Variants in TBC1D4 observed in about 807,000 individuals in gnomAD.
TBC1D4 encodes the protein TBC (Tre-2, BUB2, CDC16) domain-containing protein.
A neutral mutation model predicts 142.5 loss-of-function variants in TBC1D4; 121 were observed. The ratio of observed to expected loss-of-function variants is 0.85; its 90% confidence interval spans 0.73 to 0.99. TBC1D4 has a LOEUF of 0.99. TBC1D4 is among the 50% of genes least tolerant of loss of function. TBC1D4 has a pLI of 0.00. For synonymous variants in TBC1D4, 630 were observed against 628.2 expected, an observed-to-expected ratio of 1.00 and a Z score of -0.04; for missense variants, 1,475 against 1,606.6, an observed-to-expected ratio of 0.92 and a Z score of 1.40.
In TBC1D4 at chr13:75,341,945, C is replaced by G. The variant is rs569406346; in HGVS notation, c.1409-358G>C. Among the ~76,000 whole-genome samples the G allele has an allele frequency of 5.9e-4, 90 of 152,320 alleles. 1 individual carries two copies. Among genetic ancestry groups the G allele is most frequent in the South Asian group, 1.2e-3 (6 of 4,822 alleles). On this transcript the variant is annotated intron_variant, in intron 5 of 20. Transcript: ENST00000377636. ...GTACTGCACAGTGGTTTAAAACAGGCCTGGTGACAGTGTGGCCACAGTATG... is the reference window on the plus strand; with the variant it reads ...GTACTGCACAGTGGTTTAAAACAGGGCTGGTGACAGTGTGGCCACAGTATG...
intron 1 of TBC1D4, among the ~76,000 whole-genome samples, chr13:75,444,950 A>G (rs1887212544): frequency 6.6e-6 from 1 of 152,160 alleles, no homozygotes; most frequent in Non-Finnish European, 1.5e-5. Context: ...TATGTACATT[A>G]CATCATTTAC....
intron 17 of TBC1D4, among the ~76,000 whole-genome samples, chr13:75,298,457 G>A (rs548140649): frequency 6.6e-6 from 1 of 152,270 alleles, no homozygotes; most frequent in South Asian, 2.1e-4. Flanking sequence ...CTTCTTCAGA[G>A]CCTGCTAAGA....
intron 1 of TBC1D4, among the ~76,000 whole-genome samples, chr13:75,398,009 G>A (rs1293394301): frequency 2.6e-5 from 4 of 152,244 alleles, no homozygotes; most frequent in Middle Eastern, 3.4e-3. Context: ...AGACCACCAC[G>A]CTGTGAGGAA....
intron 11 of TBC1D4, among the ~76,000 whole-genome samples, chr13:75,321,880 T>G (rs535872088): frequency 6.6e-6 from 1 of 152,300 alleles, no homozygotes; most frequent in African/African-American, 2.4e-5. Context: ...AAAATGCTCA[T>G]TAAAAGAGGA....
At chr13:75,398,212 A>C (rs1884900752) in intron 1 of TBC1D4, among the ~76,000 whole-genome samples, 1 of 152,246 alleles carries the variant, frequency 6.6e-6, no homozygotes, top group Non-Finnish European at 1.5e-5. Context: ...CAGGGTACTA[A>C]GTATATAAAC....
chr13:75,399,356 C>T (rs571735934), intron 1 of TBC1D4, among the ~76,000 whole-genome samples: 1 of 152,150 alleles, frequency 6.6e-6, no homozygotes, highest in East Asian at 1.9e-4. Flanking sequence ...TGCTATGGAC[C>T]AGTACCTGTT....
intron 16 of TBC1D4, among the ~76,000 whole-genome samples, chr13:75,301,608 G>C (rs886609376): frequency 3.3e-5 from 5 of 150,946 alleles, no homozygotes; most frequent in Admixed American, 6.6e-5. Context: ...TCGTGCCACT[G>C]CACTCCAGCC....
At chr13:75,319,986 A>T (rs764895060) in intron 12 of TBC1D4, 28 bp downstream of exon 12, 19 of 1,609,154 alleles carry the variant, frequency 1.2e-5, no homozygotes, top group Non-Finnish European at 1.4e-5. Flanking sequence ...AATTTTTTTT[A>T]AATAAAAATA....
chr13:75,443,066 G>A (rs887757443), intron 1 of TBC1D4, among the ~76,000 whole-genome samples: 8 of 152,156 alleles, frequency 5.3e-5, no homozygotes, highest in African/African-American at 1.4e-4. Context: ...GAAGTTTATC[G>A]TAGCTCCTCT....
intron 1 of TBC1D4, 33 bp downstream of exon 1, chr13:75,481,229 AAGGCCGAG>A: frequency 3.5e-6 from 3 of 849,210 alleles, no homozygotes; most frequent in Admixed American, 2.0e-5. Context: ...CCGATCCCCC[AAGGCCGAG>A]CCCGCCCCCG....
rs774527796 is a variant in TBC1D4 at position 75,362,150 on chromosome 13, A to G, written c.956T>C (p.Val319Ala). The G allele has an allele frequency of 1.2e-6, 2 of 1,613,320 alleles. No homozygotes were observed. Among genetic ancestry groups the G allele is most frequent in the Non-Finnish European group, 1.7e-6 (2 of 1,179,964 alleles). Residue 319 changes from valine to alanine, a missense_variant, in exon 2 of 21, where the codon GTC becomes GCC. Coordinates refer to ENST00000377636, the MANE Select transcript of TBC1D4 (RefSeq NM_014832.5). The surrounding 1 kb of genome is among the most constrained non-coding windows in gnomAD (Gnocchi z 4.2). ...GTGAACTCTCCGTTGCACGCCGGTGACACTGCTGCACCGAGACCGAAACTC... is the reference window on the plus strand; with the variant it reads ...GTGAACTCTCCGTTGCACGCCGGTGGCACTGCTGCACCGAGACCGAAACTC... ...QQEFRSRCSS[V>A]TGVQRRVHEG...
chr13:75,439,255 T>C (rs1034192610), intron 1 of TBC1D4, among the ~76,000 whole-genome samples: 1 of 152,182 alleles, frequency 6.6e-6, no homozygotes, highest in Non-Finnish European at 1.5e-5. Context: ...ACTTCATGTA[T>C]AAAGTTTTTT....
At chr13:75,391,083 G>T (rs1331527525) in intron 1 of TBC1D4, among the ~76,000 whole-genome samples, 3 of 130,096 alleles carry the variant, frequency 2.3e-5, no homozygotes, top group African/African-American at 9.2e-5. Context: ...CAAACAACTT[G>T]TATATCAGAT....
chr13:75,443,449 C>T (rs1381173511), intron 1 of TBC1D4, among the ~76,000 whole-genome samples: 10 of 152,092 alleles, frequency 6.6e-5, no homozygotes, highest in African/African-American at 1.2e-4. Flanking sequence ...AATTGTTGGA[C>T]GAGTTCTCAT....
chr13:75,377,703 TA>T (rs1883595830), intron 1 of TBC1D4, among the ~76,000 whole-genome samples: 1 of 86,024 alleles, frequency 1.2e-5, no homozygotes, highest in African/African-American at 4.3e-5. Flanking sequence ...AAATATATAT[TA>T]TATATATATA....
In TBC1D4 at chr13:75,312,754, TGAGG is replaced by T; in HGVS notation, c.2363_2366del (p.Pro788GlnfsTer51). 1 of 1,614,186 alleles carries T rather than the reference TGAGG, an allele frequency of 6.2e-7. No homozygotes were observed. Among genetic ancestry groups the T allele is most frequent in the Non-Finnish European group, 8.5e-7 (1 of 1,180,028 alleles). ...AACACAGACCTTGCTGTTGCATTGCTGAGGGAGATTTGTTCATGGGAGAAGCAAC... is the reference window on the plus strand; with the variant it reads ...AACACAGACCTTGCTGTTGCATTGCTGAGATTTGTTCATGGGAGAAGCAAC... On this transcript the variant is annotated frameshift_variant, in exon 13 of 21. Transcript: ENST00000377636. LOFTEE classifies it high-confidence loss of function.
intron 12 of TBC1D4, among the ~76,000 whole-genome samples, chr13:75,313,617 G>C (rs1033779744): frequency 6.6e-6 from 1 of 152,162 alleles, no homozygotes; most frequent in East Asian, 1.9e-4. Context: ...GACCTCCCAG[G>C]CTCAAGAGAT....
At chr13:75,389,184 T>C (rs1369589000) in intron 1 of TBC1D4, among the ~76,000 whole-genome samples, 1 of 152,262 alleles carries the variant, frequency 6.6e-6, no homozygotes, top group Non-Finnish European at 1.5e-5. Flanking sequence ...TTCCAGACTT[T>C]TCTTAACCTG....
rs1303481323 is a variant in TBC1D4 at position 75,283,641 on chromosome 13, T to C, written c.*3151A>G. On this transcript the variant is annotated 3_prime_UTR_variant, in exon 21 of 21. Coordinates refer to ENST00000377636, the MANE Select transcript of TBC1D4 (RefSeq NM_014832.5). ...CGTCCAGTTGGAAAATTTTGTATTT[T>C]CTTGTGGCTCTCTCTCCCTTGCTAT... Among the ~76,000 whole-genome samples the C allele has an allele frequency of 2.0e-5, 3 of 152,192 alleles. No homozygotes were observed. The highest frequency in any genetic ancestry group is 7.2e-5 in the African/African-American group (3 of 41,456).
Sources: allele counts gnomAD v4.1 joint callset (sites outside exome capture counted in the v4.1 genomes callset), GRCh38; gene constraint gnomAD v4.1.1; non-coding constraint Gnocchi (gnomAD v3.1); transcripts MANE v1.5; gene names NCBI Gene and HGNC (gene_info 2026-07-23, HGNC 2026-07-21).